SPATA13: variants seen among roughly 807,000 people sequenced by gnomAD.
SPATA13 encodes spermatogenesis associated 13, also known as spermatogenesis-associated protein 13.
Under a neutral mutation model 104.0 loss-of-function variants are expected in SPATA13, and 50 were observed. The ratio of observed to expected loss-of-function variants is 0.48; its 90% confidence interval spans 0.38 to 0.61. The LOEUF (loss-of-function observed/expected upper bound fraction) is 0.61, where lower values mean the gene tolerates loss of function less well. Among genes scored for constraint, SPATA13 ranks in the 20% least tolerant of loss-of-function variants. SPATA13 has a pLI of 0.00. For synonymous variants in SPATA13, 606 were observed against 667.5 expected (o/e 0.91, Z 1.42); for missense variants, 1,524 against 1,690.6 (o/e 0.90, Z 1.73).
At chr13:24,095,060 A>C (rs1228594506) in intron 3 of SPATA13, among the ~76,000 whole-genome samples, 1 of 152,212 alleles carries the variant, frequency 6.6e-6, no homozygotes. Context: ...CTGGGTATCT[A>C]TGTAAAAGAA....
intron 3 of SPATA13, among the ~76,000 whole-genome samples, chr13:24,119,900 C>T (rs1197558304): frequency 6.6e-6 from 1 of 152,198 alleles, no homozygotes; most frequent in Non-Finnish European, 1.5e-5. Context: ...TGATAGTAAA[C>T]ACCATGCTGT....
chr13:24,204,153 G>A (rs1207104515), intron 1 of SPATA13, among the ~76,000 whole-genome samples: 1 of 152,136 alleles, frequency 6.6e-6, no homozygotes, highest in Non-Finnish European at 1.5e-5. Context: ...TGTACTCACA[G>A]CCAGAGGCTA....
intron 1 of SPATA13, among the ~76,000 whole-genome samples, chr13:23,982,660 T>G (rs978456794): frequency 6.6e-6 from 1 of 152,192 alleles, no homozygotes; most frequent in Non-Finnish European, 1.5e-5. Context: ...TATGAAATAT[T>G]TTTCAATGCA....
intron 3 of SPATA13, among the ~76,000 whole-genome samples, chr13:24,108,882 A>G (rs2137810422): frequency 6.6e-6 from 1 of 152,086 alleles, no homozygotes; most frequent in East Asian, 1.9e-4. Context: ...ACACATTTGT[A>G]TTTGCTTTGT....
intron 3 of SPATA13, among the ~76,000 whole-genome samples, chr13:24,050,335 AAT>A (rs1313270493): frequency 6.6e-6 from 1 of 152,226 alleles, no homozygotes; most frequent in African/African-American, 2.4e-5. Context: ...GAAATCTGAT[AAT>A]GCTGACGAGT....
intron 3 of SPATA13, among the ~76,000 whole-genome samples, chr13:24,108,131 G>A (rs564517665): frequency 1.4e-4 from 22 of 152,296 alleles, no homozygotes; most frequent in South Asian, 1.2e-3. Context: ...GCCATCGCCC[G>A]GCTGCAGGGG....
chr13:24,120,000 C>T (rs1164729229), intron 3 of SPATA13, among the ~76,000 whole-genome samples: 1 of 152,134 alleles, frequency 6.6e-6, no homozygotes, highest in African/African-American at 2.4e-5. Context: ...ATCCCCAGCC[C>T]CACCCCCACA....
chr13:24,235,057 TA>T (rs1352073680), intron 2 of SPATA13, among the ~76,000 whole-genome samples: 1 of 152,248 alleles, frequency 6.6e-6, no homozygotes, highest in Non-Finnish European at 1.5e-5. Context: ...TAAATCGGGT[TA>T]ATAGTAGCTT....
At chr13:24,132,433 C>T (rs961490502) in intron 3 of SPATA13, among the ~76,000 whole-genome samples, 1 of 152,230 alleles carries the variant, frequency 6.6e-6, no homozygotes, top group African/African-American at 2.4e-5. Context: ...GAGTTTCAGT[C>T]CTGGCTCTGT....
chr13:24,216,372 AT>A (rs1463657161), intron 1 of SPATA13, among the ~76,000 whole-genome samples: 1 of 152,200 alleles, frequency 6.6e-6, no homozygotes, highest in Non-Finnish European at 1.5e-5. Context: ...GGGAAACACC[AT>A]TCTCACCCAC....
intron 1 of SPATA13, among the ~76,000 whole-genome samples, chr13:24,186,691 C>A (rs1220899290): frequency 6.6e-6 from 1 of 152,116 alleles, no homozygotes; most frequent in African/African-American, 2.4e-5. Flanking sequence ...GTTACGGGAA[C>A]ATTAATTTTC....
Position 24,160,739 on chromosome 13 carries a change from G to C in SPATA13, c.-305G>C, listed in dbSNP as rs979719865. 6 of 985,452 alleles carry C rather than the reference G, an allele frequency of 6.1e-6. No individual in the cohort carries two copies. In the East Asian group the frequency reaches 6.8e-4, roughly 112 times the overall value. 61.0% of individuals were successfully genotyped at this position (985,452 alleles called of 1,614,324 possible). ...TTGGCTGAGTGTGCTGCCGCGGCGC[G>C]GGAGGAGAGTGTGCGTTGCGCTTTC... On this transcript the variant is annotated 5_prime_UTR_variant, in exon 1 of 13. Coordinates refer to ENST00000382108, the MANE Select transcript of SPATA13 (RefSeq NM_001166271.3).
rs1390000339 is a variant in SPATA13 at position 24,286,300 on chromosome 13, G to C, written c.2388G>C (p.Gly796=). ...MDDQELGFKA[G]DVIQVLEASN... ...ACCAGGAACTGGGCTTCAAAGCCGGGGATGTCATCCAGGTTCTGGAAGCCT... is the reference window on the plus strand; with the variant it reads ...ACCAGGAACTGGGCTTCAAAGCCGGCGATGTCATCCAGGTTCTGGAAGCCT... Residue 796 remains glycine (G), a synonymous_variant, in exon 6 of 13, where the codon GGG becomes GGC. Transcript: ENST00000382108. This position sits in a 1 kb window ranked among gnomAD's most constrained non-coding sequence, Gnocchi z 4.9. 4 of 1,613,760 alleles carry C rather than the reference G, an allele frequency of 2.5e-6. No individual in the cohort carries two copies. The South Asian group carries it at 4.4e-5, about 18-fold the overall frequency.
chr13:24,279,251 C>T (rs1243971656), intron 4 of SPATA13, among the ~76,000 whole-genome samples: 2 of 152,130 alleles, frequency 1.3e-5, no homozygotes, highest in Admixed American at 6.5e-5. Flanking sequence ...CTGTCAGGCA[C>T]ACGGAGCAGC....
At chr13:24,212,107 T>A (rs1270955828) in intron 1 of SPATA13, among the ~76,000 whole-genome samples, 1 of 152,058 alleles carries the variant, frequency 6.6e-6, no homozygotes, top group Non-Finnish European at 1.5e-5. Context: ...CATAGGAAGT[T>A]CTTTCTTGTT....
chr13:24,110,219 G>A (rs534504775), intron 3 of SPATA13, among the ~76,000 whole-genome samples: 158 of 151,818 alleles, frequency 1.0e-3, no homozygotes, highest in African/African-American at 3.4e-3. Context: ...TGTTCTGCTC[G>A]CTGAGCCGGC....
chr13:24,011,316 G>T lies in SPATA13; in HGVS notation c.-146-6351G>T, dbSNP rs1255190108. ...TTCCTTTCATTTCTGAGGCAGTGCCGGCCGGCTTGGCCATCTCATGCTGTC... is the reference window on the plus strand; with the variant it reads ...TTCCTTTCATTTCTGAGGCAGTGCCTGCCGGCTTGGCCATCTCATGCTGTC... On this transcript the variant is annotated intron_variant, in intron 2 of 14. Transcript: ENST00000424834. This position sits in a 1 kb window ranked among gnomAD's most constrained non-coding sequence, Gnocchi z 4.3. 1.3e-5 allele frequency among the ~76,000 whole-genome samples: 2 copies of T among 152,150 alleles called. No homozygotes were observed. The highest frequency in any genetic ancestry group is 1.3e-4 in the Admixed American group (2 of 15,284).
intron 11 of SPATA13, 31 bp downstream of exon 11, chr13:24,297,766 T>C: frequency 3.2e-6 from 5 of 1,579,136 alleles, no homozygotes; most frequent in Non-Finnish European, 4.3e-6. Context: ...CAGGCACCTG[T>C]GCCTCTGCTT....
At chr13:24,253,042 C>T (rs983752572) in intron 4 of SPATA13, 1 of 152,136 alleles carries the variant, frequency 6.6e-6, no homozygotes, top group Admixed American at 6.5e-5. Flanking sequence ...AAGGAGTTAA[C>T]TTATTAGGAG....
Sources: gnomAD v4.1 joint callset for allele counts (sites outside exome capture counted in the v4.1 genomes callset) on GRCh38, gnomAD v4.1.1 for gene constraint, Gnocchi (gnomAD v3.1) non-coding constraint, MANE v1.5 for transcripts, NCBI Gene and HGNC (gene_info 2026-07-23, HGNC 2026-07-21) for gene names.